The following PDE4B variants were observed in gnomAD, a reference collection of about 807,000 sequenced individuals.
PDE4B encodes the protein phosphodiesterase 4B.
In PDE4B, 20 loss-of-function variants were observed where a neutral mutation model predicts 82.2. The observed-to-expected ratio is 0.24, with a 90% CI of 0.17 to 0.35. PDE4B has a LOEUF of 0.35. Among genes scored for constraint, PDE4B ranks in the 10% least tolerant of loss-of-function variants. The pLI is 1.00. For missense variants in PDE4B, 655 were observed against 907.2 expected (o/e 0.72, Z 3.57); for synonymous variants, 320 against 318.9 (o/e 1.00, Z -0.04).
intron 3 of PDE4B, among the ~76,000 whole-genome samples, chr1:66,208,755 T>C (rs1649775607): frequency 6.6e-6 from 1 of 152,186 alleles, no homozygotes; most frequent in Non-Finnish European, 1.5e-5. Context: ...CCACAATGAG[T>C]AGGTCAATTA....
At chr1:66,105,490 A>G (rs1056745941) in intron 3 of PDE4B, among the ~76,000 whole-genome samples, 7 of 151,998 alleles carry the variant, frequency 4.6e-5, no homozygotes, top group Non-Finnish European at 8.8e-5. Flanking sequence ...GTCATTGGTA[A>G]CTTGATGGGG....
At chr1:66,240,885 C>A (rs914559834) in intron 3 of PDE4B, among the ~76,000 whole-genome samples, 1 of 152,174 alleles carries the variant, frequency 6.6e-6, no homozygotes, top group Non-Finnish European at 1.5e-5. Context: ...GTGTGGGGGG[C>A]AGGATACAGG....
intron 1 of PDE4B, among the ~76,000 whole-genome samples, chr1:65,798,962 G>A (rs1645665340): frequency 6.6e-6 from 1 of 151,550 alleles, no homozygotes; most frequent in Non-Finnish European, 1.5e-5. Context: ...CTTATTTATT[G>A]CCATCTTTGT....
At chr1:65,941,518 G>A (rs1648447652) in intron 3 of PDE4B, among the ~76,000 whole-genome samples, 1 of 151,818 alleles carries the variant, frequency 6.6e-6, no homozygotes, top group African/African-American at 2.4e-5. Flanking sequence ...CTTTACCAGA[G>A]GAAAAACCAG....
chr1:66,059,062 A>T (rs1655453489), intron 3 of PDE4B, among the ~76,000 whole-genome samples: 1 of 152,102 alleles, frequency 6.6e-6, no homozygotes, highest in Non-Finnish European at 1.5e-5. Flanking sequence ...CTGCTTAGAA[A>T]TTTTTTCCAC....
At chr1:65,920,399 A>C (rs1242793535) in intron 3 of PDE4B, among the ~76,000 whole-genome samples, 1 of 152,160 alleles carries the variant, frequency 6.6e-6, no homozygotes, top group Non-Finnish European at 1.5e-5. Context: ...GTTGTTAGCT[A>C]TTTTGAGTAA....
chr1:66,202,640 G>A (rs1084492), intron 3 of PDE4B, among the ~76,000 whole-genome samples: 19,276 of 151,864 alleles, frequency 0.13, 1,412 homozygotes, highest in Non-Finnish European at 0.17. Context: ...TTGGTTTAAA[G>A]TCTGTTTTAT....
chr1:65,965,750 A>C (rs913444103), intron 3 of PDE4B, among the ~76,000 whole-genome samples: 4 of 152,300 alleles, frequency 2.6e-5, no homozygotes, highest in Admixed American at 6.5e-5. Context: ...AAAAACATGC[A>C]TATTTTTCTT....
At chr1:66,222,080 A>G (rs924488280) in intron 3 of PDE4B, among the ~76,000 whole-genome samples, 9 of 152,138 alleles carry the variant, frequency 5.9e-5, no homozygotes, top group African/African-American at 1.7e-4. Context: ...TTGTTCTACC[A>G]TATTAGCTCT....
intron 7 of PDE4B, among the ~76,000 whole-genome samples, chr1:66,269,781 C>G (rs1655329947): frequency 6.6e-6 from 1 of 152,148 alleles, no homozygotes. Context: ...CAAGTGTTCG[C>G]TGTCTTTACA....
At chr1:65,833,354 C>G (rs2101305235) in intron 1 of PDE4B, among the ~76,000 whole-genome samples, 1 of 152,336 alleles carries the variant, frequency 6.6e-6, no homozygotes, top group East Asian at 1.9e-4. Context: ...CACTTCTCCC[C>G]TCACCAGACT....
chr1:65,871,685 T>C (rs1220356098), intron 1 of PDE4B, among the ~76,000 whole-genome samples: 3 of 152,162 alleles, frequency 2.0e-5, no homozygotes, highest in African/African-American at 7.2e-5. Context: ...ACACACAACT[T>C]TCCATCGTCT....
chr1:66,268,667 C>CAAAAAAAAAAAAAAAAAAAAAAAA (rs36046564), intron 7 of PDE4B, among the ~76,000 whole-genome samples: 6 of 61,240 alleles, frequency 9.8e-5, no homozygotes, highest in Admixed American at 2.3e-4. Context: ...GACTCCATCT[C>CAAAAAAAAAAAAAAAAAAAAAAAA]AAAAAAAAAA....
chr1:66,336,482 T>C (rs1415260668), intron 8 of PDE4B, among the ~76,000 whole-genome samples: 1 of 152,218 alleles, frequency 6.6e-6, no homozygotes, highest in Non-Finnish European at 1.5e-5. Flanking sequence ...AGAAAAGCTA[T>C]ATTCAAGCAA....
chr1:66,324,660 C>T (rs924772214), intron 7 of PDE4B, among the ~76,000 whole-genome samples: 1 of 152,088 alleles, frequency 6.6e-6, no homozygotes, highest in African/African-American at 2.4e-5. Flanking sequence ...GGCAGTGAAC[C>T]TCTTCTTTTA....
At position 65,829,744 on chromosome 1, in the gene PDE4B, C is replaced by T. The variant is rs575340219; in HGVS notation, c.-71+36496C>T. Among the ~76,000 whole-genome samples, 19 of 152,072 alleles carry T rather than the reference C, an allele frequency of 1.2e-4. 2 individuals carry two copies. The highest frequency in any genetic ancestry group is 1.2e-3 in the South Asian group (6 of 4,822). On this transcript the variant is annotated intron_variant, in intron 1 of 16. Coordinates refer to ENST00000341517, the MANE Select transcript of PDE4B (RefSeq NM_002600.4). ...GTCTCAAGGATAATTTAAAACAAAA[C>T]GAAACAAAGCAAAAAGCATCTGGTA...
chr1:66,125,593 A>G (rs1192286690), intron 3 of PDE4B, among the ~76,000 whole-genome samples: 1 of 152,014 alleles, frequency 6.6e-6, no homozygotes, highest in African/African-American at 2.4e-5. Context: ...TAGGAACTTC[A>G]CTCTTGTTTA....
intron 1 of PDE4B, among the ~76,000 whole-genome samples, chr1:65,802,919 T>G (rs777111655): frequency 9.9e-5 from 15 of 152,224 alleles, no homozygotes; most frequent in Non-Finnish European, 1.8e-4. Flanking sequence ...TTCTGAGAAA[T>G]CAGATAGTGA....
At position 66,010,856 on chromosome 1, in the gene PDE4B, G is replaced by C. The variant is rs1016118358; in HGVS notation, c.281+92021G>C. 3.4e-5 allele frequency among the ~76,000 whole-genome samples: 5 copies of C among 148,734 alleles called. No individual in the cohort carries two copies. In the South Asian group the frequency reaches 1.1e-3, roughly 32 times the overall value. Reference sequence around the variant, plus strand: ...AAGGAGAGAAAGATGATTAATCTTCGTGGGGATGATGAGGCTGAGTATGGC... The same window carrying C: ...AAGGAGAGAAAGATGATTAATCTTCCTGGGGATGATGAGGCTGAGTATGGC... On this transcript the variant is annotated intron_variant, in intron 3 of 16. Coordinates refer to ENST00000341517, the MANE Select transcript of PDE4B (RefSeq NM_002600.4).
Sources: allele counts gnomAD v4.1 joint callset (sites outside exome capture counted in the v4.1 genomes callset), GRCh38; gene constraint gnomAD v4.1.1; transcripts MANE v1.5; gene names NCBI Gene and HGNC (gene_info 2026-07-23, HGNC 2026-07-21).